C1GALT1: variants seen among roughly 807,000 people sequenced by gnomAD.
C1GALT1 encodes core 1 synthase, glycoprotein-N-acetylgalactosamine 3-beta-galactosyltransferase 1, also known as glycoprotein-N-acetylgalactosamine 3-beta-galactosyltransferase 1.
A neutral mutation model predicts 31.0 loss-of-function variants in C1GALT1; 11 were observed. The ratio of observed to expected loss-of-function variants is 0.36; its 90% CI spans 0.22 to 0.59. The LOEUF is 0.59. C1GALT1 is among the 20% of genes least tolerant of loss of function. C1GALT1 has a pLI of 0.79. For missense variants in C1GALT1, 424 were observed against 425.2 expected (o/e 1.00, Z 0.03); for synonymous variants, 175 against 143.6 (o/e 1.22, Z -1.56).
intron 1 of C1GALT1, among the ~76,000 whole-genome samples, chr7:7,216,598 A>G (rs1782255996): frequency 6.8e-6 from 1 of 147,582 alleles, no homozygotes; most frequent in African/African-American, 2.5e-5. Context: ...GGCCCATGCT[A>G]TAAAGCACTT....
At chr7:7,227,473 C>CACTT (rs1198842088) in intron 1 of C1GALT1, among the ~76,000 whole-genome samples, 1 of 152,164 alleles carries the variant, frequency 6.6e-6, no homozygotes, top group African/African-American at 2.4e-5. Context: ...GTAATCCCAG[C>CACTT]ACTTTGGGAG....
rs138478625 is a variant in C1GALT1 at position 7,238,550 on chromosome 7, G to A, written c.516G>A (p.Thr172=). Reference sequence around the variant, plus strand: ...GGTTTTTGAAAGCAGATGATGACACGTATGTCATACTAGACAATTTGAGGT... The same window carrying A: ...GGTTTTTGAAAGCAGATGATGACACATATGTCATACTAGACAATTTGAGGT... ...ADWFLKADDD[T]YVILDNLRWL... Residue 172 remains threonine, a synonymous_variant, in exon 3 of 4, where the codon ACG becomes ACA. Coordinates refer to ENST00000436587, the MANE Select transcript of C1GALT1 (RefSeq NM_020156.5). This position sits in a 1 kb window ranked among gnomAD's most constrained non-coding sequence, Gnocchi z 5.2. The A allele has an allele frequency of 7.4e-6, 12 of 1,613,932 alleles. No individual in the cohort carries two copies. Among genetic ancestry groups the A allele is most frequent in the African/African-American group, 2.7e-5 (2 of 74,900 alleles).
intron 2 of C1GALT1, among the ~76,000 whole-genome samples, chr7:7,157,726 ATTCTTATATTGCT>A (rs1159905524): frequency 3.9e-5 from 6 of 152,196 alleles, no homozygotes; most frequent in Non-Finnish European, 8.8e-5. Flanking sequence ...AGTTGCCAAC[ATTCTTATATTGCT>A]TTCATTTTCT....
At chr7:7,192,558 G>A (rs893740481) in intron 1 of C1GALT1, among the ~76,000 whole-genome samples, 3 of 152,018 alleles carry the variant, frequency 2.0e-5, no homozygotes, top group African/African-American at 7.2e-5. Flanking sequence ...CTTGTTGATT[G>A]ATGGGCATTT....
chr7:7,160,202 TC>T (rs761592910), intron 2 of C1GALT1, among the ~76,000 whole-genome samples: 38 of 152,248 alleles, frequency 2.5e-4, no homozygotes, highest in Non-Finnish European at 4.9e-4. Flanking sequence ...GAACTAGAGA[TC>T]TGTTTCTTCT....
At chr7:7,157,746 T>C (rs1032881191) in intron 2 of C1GALT1, among the ~76,000 whole-genome samples, 2 of 152,230 alleles carry the variant, frequency 1.3e-5, no homozygotes, top group African/African-American at 2.4e-5. Flanking sequence ...TGCTTTCATT[T>C]TCTTTACCAC....
At chr7:7,171,408 T>C (rs189954206) in intron 2 of C1GALT1, among the ~76,000 whole-genome samples, 15 of 152,246 alleles carry the variant, frequency 9.9e-5, no homozygotes, top group African/African-American at 3.6e-4. Flanking sequence ...TTTTGCCTAA[T>C]ATTAGTATAG....
chr7:7,186,677 G>A (rs1195915903), intron 1 of C1GALT1, among the ~76,000 whole-genome samples: 1 of 152,214 alleles, frequency 6.6e-6, no homozygotes, highest in Non-Finnish European at 1.5e-5. Context: ...AAGACCTGAA[G>A]GAGTTGGAGA....
intron 3 of C1GALT1, among the ~76,000 whole-genome samples, chr7:7,239,469 C>G (rs888528513): frequency 2.6e-5 from 4 of 152,156 alleles, no homozygotes; most frequent in African/African-American, 7.2e-5. Flanking sequence ...TCAGAAAGAC[C>G]TAGAGTCAAA....
intron 1 of C1GALT1, among the ~76,000 whole-genome samples, chr7:7,204,522 T>C (rs1410176237): frequency 6.6e-6 from 1 of 152,106 alleles, no homozygotes; most frequent in East Asian, 1.9e-4. Context: ...TTTAGTTTCA[T>C]TGATTTTTCC....
At chr7:7,231,295 C>G (rs1017674105) in intron 1 of C1GALT1, among the ~76,000 whole-genome samples, 3 of 151,912 alleles carry the variant, frequency 2.0e-5, no homozygotes, top group African/African-American at 7.3e-5. Flanking sequence ...ACTTAGGTAA[C>G]ATTTTCTTTT....
intron 1 of C1GALT1, among the ~76,000 whole-genome samples, chr7:7,196,077 T>C (rs1781273087): frequency 6.6e-6 from 1 of 152,172 alleles, no homozygotes; most frequent in Non-Finnish European, 1.5e-5. Context: ...TTATTTTTTA[T>C]TATACTTCAA....
intron 2 of C1GALT1, among the ~76,000 whole-genome samples, chr7:7,164,976 C>A (rs1178006346): frequency 6.6e-6 from 1 of 152,048 alleles, no homozygotes; most frequent in Non-Finnish European, 1.5e-5. Flanking sequence ...GAGTAAAATG[C>A]CCTAGAAACC....
intron 1 of C1GALT1, among the ~76,000 whole-genome samples, chr7:7,229,694 A>T (rs1035244315): frequency 6.6e-6 from 1 of 152,152 alleles, no homozygotes; most frequent in African/African-American, 2.4e-5. Flanking sequence ...GACAGGAGGG[A>T]TATGTTTTAT....
chr7:7,220,281 A>G (rs1782452143), intron 1 of C1GALT1, among the ~76,000 whole-genome samples: 1 of 152,240 alleles, frequency 6.6e-6, no homozygotes, highest in African/African-American at 2.4e-5. Context: ...ATCCTTTTCA[A>G]TGAATAATTA....
chr7:7,164,377 T>A (rs911090562), intron 2 of C1GALT1, among the ~76,000 whole-genome samples: 3 of 152,130 alleles, frequency 2.0e-5, no homozygotes, highest in Non-Finnish European at 4.4e-5. Context: ...TAAGCAGAAG[T>A]AAGTCAAATT....
chr7:7,247,281 T>C lies in C1GALT1; in HGVS notation c.*3554T>C, dbSNP rs1783885863. 1 of 152,146 alleles carries C rather than the reference T, an allele frequency of 6.6e-6. No individual in the cohort carries two copies. The allele number at this position is 152,146 out of a possible 1,614,324, so 9.4% of individuals were successfully genotyped here. A position where few individuals can be genotyped will look rare whatever the true frequency, so the allele number is the denominator to read the frequency against. On this transcript the variant is annotated 3_prime_UTR_variant, in exon 4 of 4. Transcript: ENST00000436587. Reference sequence around the variant, plus strand: ...TCACTATCTTTTAGATTAAGATCTTTGTTATTTGGTAAATGATTTCAGTAT... The same window carrying C: ...TCACTATCTTTTAGATTAAGATCTTCGTTATTTGGTAAATGATTTCAGTAT...
chr7:7,177,155 C>T (rs550139778), intron 2 of C1GALT1, among the ~76,000 whole-genome samples: 9 of 152,292 alleles, frequency 5.9e-5, no homozygotes, highest in African/African-American at 2.2e-4. Context: ...AATTAGGGAC[C>T]TTGTATTTAA....
chr7:7,242,144 A>G (rs1403872092), intron 3 of C1GALT1, among the ~76,000 whole-genome samples: 2 of 151,888 alleles, frequency 1.3e-5, no homozygotes, highest in Admixed American at 6.6e-5. Flanking sequence ...TTCATTAATC[A>G]TCGCAAAACT....
Sources: allele counts gnomAD v4.1 joint callset (sites outside exome capture counted in the v4.1 genomes callset), GRCh38; gene constraint gnomAD v4.1.1; non-coding constraint Gnocchi (gnomAD v3.1); transcripts MANE v1.5; gene names NCBI Gene and HGNC (gene_info 2026-07-23, HGNC 2026-07-21).